The following VEPH1 variants were observed in gnomAD, a reference collection of about 807,000 sequenced individuals.
VEPH1 encodes the protein ventricular zone expressed PH domain containing 1.
A neutral mutation model predicts 85.2 loss-of-function variants in VEPH1; 80 were observed. The observed-to-expected ratio is 0.94, with a 90% CI of 0.78 to 1.13. VEPH1 has a LOEUF of 1.13. VEPH1 is among the 50% of genes most tolerant of loss of function. The pLI, the probability that VEPH1 is intolerant of heterozygous loss-of-function variation, is 0.00. For synonymous variants in VEPH1, 297 were observed against 348.0 expected, an observed-to-expected ratio of 0.85 and a Z score of 1.63; for missense variants, 955 against 980.5, an observed-to-expected ratio of 0.97 and a Z score of 0.35.
In VEPH1 at chr3:157,467,370, T is replaced by G. The variant is rs143081851; in HGVS notation, c.354+2944A>C. ...TGTAAAGCTAAAAATGCTGAGTGTC[T>G]AACTTTTGAAAGTTGGCCTATTGTT... is the stretch of plus-strand genomic sequence containing the variant. On this transcript the variant is annotated intron_variant, in intron 3 of 13. Transcript: ENST00000362010. 4.6e-5 allele frequency among the ~76,000 whole-genome samples: 7 copies of G among 152,156 alleles called. No individual in the cohort carries two copies. The East Asian group carries it at 1.3e-3, about 29-fold the overall frequency.
At chr3:157,396,461 T>G (rs924212771) in intron 6 of VEPH1, among the ~76,000 whole-genome samples, 19 of 152,214 alleles carry the variant, frequency 1.2e-4, no homozygotes, top group African/African-American at 4.3e-4. Flanking sequence ...TACCCAGTAA[T>G]GAGATTGCTG....
chr3:157,486,786 A>T lies in VEPH1; in HGVS notation c.138+8426T>A, dbSNP rs376731327. Among the ~76,000 whole-genome samples, 403 of 152,288 alleles carry T rather than the reference A, an allele frequency of 2.6e-3. 2 individuals carry two copies. The highest frequency in any genetic ancestry group is 9.4e-3 in the African/African-American group (391 of 41,568). ...ACACAGATTAGCCATAAACTCTGTA[A>T]CAAAGCAAGTCTCAACTACTTCGAA... On this transcript the variant is annotated intron_variant, in intron 2 of 13. Coordinates refer to ENST00000362010, the MANE Select transcript of VEPH1 (RefSeq NM_001167912.2).
At chr3:157,452,174 C>A (rs1203315313) in intron 4 of VEPH1, among the ~76,000 whole-genome samples, 3 of 152,058 alleles carry the variant, frequency 2.0e-5, no homozygotes, top group Non-Finnish European at 4.4e-5. Flanking sequence ...GCAAGCAAAT[C>A]AGAGCACATG....
At chr3:157,306,278 C>T (rs1313528551) in intron 11 of VEPH1, among the ~76,000 whole-genome samples, 2 of 152,034 alleles carry the variant, frequency 1.3e-5, no homozygotes, top group African/African-American at 2.4e-5. Context: ...CCAAAGGCAA[C>T]CTCATCATGA....
intron 4 of VEPH1, among the ~76,000 whole-genome samples, chr3:157,433,107 A>G (rs572555335): frequency 6.6e-6 from 1 of 152,272 alleles, no homozygotes; most frequent in East Asian, 1.9e-4. Flanking sequence ...GTTCTTATTA[A>G]TATGTCTTTT....
At chr3:157,397,867 CT>C in intron 6 of VEPH1, among the ~76,000 whole-genome samples, 1 of 152,314 alleles carries the variant, frequency 6.6e-6, no homozygotes. Context: ...ACATGCATTG[CT>C]TGAAGTTCTC....
At chr3:157,327,928 A>G (rs927783441) in intron 9 of VEPH1, among the ~76,000 whole-genome samples, 2 of 152,122 alleles carry the variant, frequency 1.3e-5, no homozygotes, top group Admixed American at 6.5e-5. Context: ...TCTAAAGCCA[A>G]CTTCTCTGAT....
chr3:157,441,847 A>G (rs1577668595), intron 4 of VEPH1, among the ~76,000 whole-genome samples: 1 of 151,894 alleles, frequency 6.6e-6, no homozygotes. Context: ...TAACATCACT[A>G]TCCTAGAATT....
chr3:157,265,606 T>C lies in VEPH1; in HGVS notation c.2185A>G (p.Arg729Gly), dbSNP rs376189512. 11 of 1,613,856 alleles carry C rather than the reference T, an allele frequency of 6.8e-6. No individual in the cohort carries two copies. Among genetic ancestry groups the C allele is most frequent in the Middle Eastern group, 1.7e-4 (1 of 6,058 alleles). ...IEGKLKEKQV[R>G]WKFIKRWKTR... ...TTCCACCTTTTGATGAACTTCCATC[T>C]GACTTGCTTCTCTTTAAGTTTTCCT... The change falls in exon 13 of 14, where the codon AGA (arginine) becomes GGA (glycine). Residue 729 changes from arginine to glycine, a missense_variant. Transcript: ENST00000362010.
chr3:157,429,918 G>A (rs1175247039), intron 4 of VEPH1, among the ~76,000 whole-genome samples: 1 of 152,176 alleles, frequency 6.6e-6, no homozygotes, highest in Non-Finnish European at 1.5e-5. Context: ...AGAGGCCCTG[G>A]GAGCCTTGAA....
chr3:157,472,321 T>C (rs577730198), intron 2 of VEPH1, among the ~76,000 whole-genome samples: 8 of 152,358 alleles, frequency 5.3e-5, no homozygotes, highest in African/African-American at 1.4e-4. Context: ...CTGGTATTTA[T>C]GGAAATAAGT....
At chr3:157,450,294 C>T (rs1024921292) in intron 4 of VEPH1, among the ~76,000 whole-genome samples, 5 of 151,960 alleles carry the variant, frequency 3.3e-5, no homozygotes, top group East Asian at 1.9e-4. Flanking sequence ...TGAGCTCAAG[C>T]GATCCTCTCA....
intron 6 of VEPH1, among the ~76,000 whole-genome samples, chr3:157,405,104 G>C (rs1397314755): frequency 2.6e-5 from 4 of 152,090 alleles, no homozygotes; most frequent in African/African-American, 9.7e-5. Context: ...TCAAGTCTGC[G>C]GGGACCAGGC....
At chr3:157,401,891 C>G (rs1730817219) in intron 6 of VEPH1, among the ~76,000 whole-genome samples, 1 of 152,110 alleles carries the variant, frequency 6.6e-6, no homozygotes, top group Non-Finnish European at 1.5e-5. Context: ...AGGATGTCTG[C>G]AGAAGAAAAA....
intron 9 of VEPH1, among the ~76,000 whole-genome samples, chr3:157,354,648 A>T (rs1725232098): frequency 6.6e-6 from 1 of 152,056 alleles, no homozygotes; most frequent in East Asian, 1.9e-4. Flanking sequence ...GTTTTGTTTC[A>T]CAGCATCTGT....
intron 3 of VEPH1, among the ~76,000 whole-genome samples, chr3:157,467,948 C>G (rs1410804503): frequency 6.6e-6 from 1 of 152,192 alleles, no homozygotes; most frequent in African/African-American, 2.4e-5. Flanking sequence ...ATTCCTTACA[C>G]CATACCCCAT....
chr3:157,422,326 G>T (rs1044539458), intron 5 of VEPH1, among the ~76,000 whole-genome samples: 5 of 152,134 alleles, frequency 3.3e-5, no homozygotes, highest in African/African-American at 1.2e-4. Flanking sequence ...GTCACCCTTT[G>T]GTACCACCAC....
intron 9 of VEPH1, among the ~76,000 whole-genome samples, chr3:157,359,028 C>T (rs1725755998): frequency 6.6e-6 from 1 of 151,934 alleles, no homozygotes; most frequent in African/African-American, 2.4e-5. Context: ...AAAGAAAAAT[C>T]AACTTGTGTG....
chr3:157,350,066 A>G (rs767140347), intron 9 of VEPH1, among the ~76,000 whole-genome samples: 1 of 152,200 alleles, frequency 6.6e-6, no homozygotes, highest in Non-Finnish European at 1.5e-5. Context: ...AGCCATAGCA[A>G]TTCTGGGCAA....
Sources: allele counts gnomAD v4.1 joint callset (sites outside exome capture counted in the v4.1 genomes callset), GRCh38; gene constraint gnomAD v4.1.1; transcripts MANE v1.5; gene names NCBI Gene and HGNC (gene_info 2026-07-23, HGNC 2026-07-21).